The following SPATA31D4 variants were observed in gnomAD, a reference collection of about 807,000 sequenced individuals.
SPATA31D4 encodes the protein spermatogenesis-associated protein 31D4.
For missense variants in SPATA31D4, 73 were observed against 279.1 expected (o/e 0.26, Z 5.26); for synonymous variants, 23 against 102.8 (o/e 0.22, Z 4.70).
At position 81,934,062 on chromosome 9, in the gene SPATA31D4, A is replaced by T. The variant is rs976084504; in HGVS notation, c.*1147A>T. 1 of 366,596 alleles carries T rather than the reference A, an allele frequency of 2.7e-6. No individual in the cohort carries two copies. The highest frequency in any genetic ancestry group is 5.0e-6 in the Non-Finnish European group (1 of 198,284). The allele number at this position is 366,596 out of a possible 1,614,324, so 22.7% of individuals were successfully genotyped here. The stretch of plus-strand genomic sequence containing the variant: ...CCTACGCATGTCTTACAGAAATGCC[A>T]AGTTAAGAATTTTTCACCAGCTACA... On this transcript the variant is annotated 3_prime_UTR_variant, in exon 4 of 4. Transcript: ENST00000419782.
chr9:81,931,971 CAT>C lies in SPATA31D4; in HGVS notation c.1812_1813del (p.His604GlnfsTer5), dbSNP rs1465390109. On this transcript the variant is annotated frameshift_variant, in exon 4 of 4. Transcript: ENST00000419782. LOFTEE classifies it low-confidence loss of function (END_TRUNC). ...FLIRVCGVCFHRPQNEARSLM... is the reference protein window; with the variant it reads ...FLIRVCGVCFXRPQNEARSLM... ...GATTAGGGTGTGTGGCGTGTGTTTT[CAT>C]AGACCCCAGAATGAGGCACGGTCTC... 1.7e-5 allele frequency: 2 copies of C among 114,672 alleles called. No homozygotes were observed. The highest frequency in any genetic ancestry group is 3.8e-4 in the Admixed American group (2 of 5,308). 7.1% of individuals were successfully genotyped at this position (114,672 alleles called of 1,614,324 possible). A position where few individuals can be genotyped will look rare whatever the true frequency, so the allele number is the denominator to read the frequency against.
chr9:81,934,768 C>T lies in SPATA31D4; in HGVS notation c.*1853C>T, dbSNP rs1823842780. ...TATTGTATCAAAGGCATCCCCAATC[C>T]ATGCCCCACAGGGATCCTGTGCCAC... is the stretch of plus-strand genomic sequence containing the variant. On this transcript the variant is annotated 3_prime_UTR_variant, in exon 4 of 4. Transcript: ENST00000419782. 1.5e-6 allele frequency: 1 copy of T among 662,618 alleles called. No individual in the cohort carries two copies. Among genetic ancestry groups the T allele is most frequent in the African/African-American group, 1.8e-5 (1 of 54,376 alleles). 41.0% of individuals were successfully genotyped at this position (662,618 alleles called of 1,614,324 possible).
chr9:81,932,792 G>A lies in SPATA31D4; in HGVS notation c.2631G>A (p.Val877=). 1 of 1,533,426 alleles carries A rather than the reference G, an allele frequency of 6.5e-7. No homozygotes were observed. 95.0% of individuals were successfully genotyped at this position (1,533,426 alleles called of 1,614,324 possible). A position where few individuals can be genotyped will look rare whatever the true frequency, so the allele number is the denominator to read the frequency against. ...AACATCGAAATTTGGCAGCATTGGT[G>A]AGTGAGGACCACGGCGTTGATACCT... ...QIKHRNLAAL[V]SEDHGVDTSQ... is the part of the protein sequence containing the mutation. Residue 877 remains valine (V), a synonymous_variant, in exon 4 of 4, where the codon GTG becomes GTA. Coordinates refer to ENST00000419782, the MANE Select transcript of SPATA31D4 (RefSeq NM_001145197.1).
chr9:81,934,193 G>A lies in SPATA31D4; in HGVS notation c.*1278G>A, dbSNP rs868229549. The A allele has an allele frequency of 8.2e-6, 3 of 364,930 alleles. No individual in the cohort carries two copies. Among genetic ancestry groups the A allele is most frequent in the East Asian group, 5.3e-5 (1 of 18,888 alleles). The allele number at this position is 364,930 out of a possible 1,614,324, so 22.6% of individuals were successfully genotyped here. On this transcript the variant is annotated 3_prime_UTR_variant, in exon 4 of 4. Transcript: ENST00000419782. ...AAAGAGCCTCCCTGTTCATAACAAG[G>A]CATCAGGAGAGGTGCCTGGGAGCAA...
At chr9:81,930,221 T>C in intron 3 of SPATA31D4, 61 bp downstream of exon 3, 1 of 513,902 alleles carries the variant, frequency 1.9e-6, no homozygotes, top group Non-Finnish European at 2.5e-6. Flanking sequence ...TTTTTTTTTT[T>C]TTTTGCATGT....
rs1823843736 is a variant in SPATA31D4 at position 81,934,800 on chromosome 9, A to T, written c.*1885A>T. 2 of 628,162 alleles carry T rather than the reference A, an allele frequency of 3.2e-6. No individual in the cohort carries two copies. The highest frequency in any genetic ancestry group is 2.2e-5 in the South Asian group (1 of 45,994). 38.9% of individuals were successfully genotyped at this position (628,162 alleles called of 1,614,324 possible). A position where few individuals can be genotyped will look rare whatever the true frequency, so the allele number is the denominator to read the frequency against. On this transcript the variant is annotated 3_prime_UTR_variant, in exon 4 of 4. Coordinates refer to ENST00000419782, the MANE Select transcript of SPATA31D4 (RefSeq NM_001145197.1). Reference sequence around the variant, plus strand: ...CACAGGGATCCTGTGCCACATCTAAACCCCACTTGTCAGCGTCAAGTCACC... The same window carrying T: ...CACAGGGATCCTGTGCCACATCTAATCCCCACTTGTCAGCGTCAAGTCACC...
Position 81,932,952 on chromosome 9 carries a change from C to T in SPATA31D4, c.*37C>T, listed in dbSNP as rs771970881. On this transcript the variant is annotated 3_prime_UTR_variant, in exon 4 of 4. Coordinates refer to ENST00000419782, the MANE Select transcript of SPATA31D4 (RefSeq NM_001145197.1). ...GGCCTTCCCCGCAAGATCCGTGAAC[C>T]CATAGAAATCTTCAAATCAGAAGAG... 2 of 1,513,436 alleles carry T rather than the reference C, an allele frequency of 1.3e-6. No homozygotes were observed. Among genetic ancestry groups the T allele is most frequent in the African/African-American group, 1.4e-5 (1 of 70,866 alleles). 93.8% of individuals were successfully genotyped at this position (1,513,436 alleles called of 1,614,324 possible).
chr9:81,932,971 A>G lies in SPATA31D4; in HGVS notation c.*56A>G, dbSNP rs867291883. 83 of 1,507,016 alleles carry G rather than the reference A, an allele frequency of 5.5e-5. 12 individuals carry two copies. Among genetic ancestry groups the G allele is most frequent in the Middle Eastern group, 1.8e-4 (1 of 5,536 alleles). The allele number at this position is 1,507,016 out of a possible 1,614,324, so 93.4% of individuals were successfully genotyped here. On this transcript the variant is annotated 3_prime_UTR_variant, in exon 4 of 4. Transcript: ENST00000419782. ...GTGAACCCATAGAAATCTTCAAATC[A>G]GAAGAGGATATTTCCAATTCCTTTT...
At chr9:81,929,949 C>T (rs1487021525) in intron 2 of SPATA31D4, 151 bp from the exon 3 acceptor site, 4 of 114,900 alleles carry the variant, frequency 3.5e-5, no homozygotes, top group Non-Finnish European at 5.4e-5. Flanking sequence ...CACATGTGAA[C>T]TTGTGAACAT....
Position 81,934,143 on chromosome 9 carries a change from G to C in SPATA31D4, c.*1228G>C, listed in dbSNP as rs1823820863. ...GGAGAGCTTGGTGGAGGGGATGCAGGGTTGGGGACATCCCAACTCACTAGA... is the reference window on the plus strand; with the variant it reads ...GGAGAGCTTGGTGGAGGGGATGCAGCGTTGGGGACATCCCAACTCACTAGA... On this transcript the variant is annotated 3_prime_UTR_variant, in exon 4 of 4. Coordinates refer to ENST00000419782, the MANE Select transcript of SPATA31D4 (RefSeq NM_001145197.1). 1 of 425,866 alleles carries C rather than the reference G, an allele frequency of 2.3e-6. No individual in the cohort carries two copies. The highest frequency in any genetic ancestry group is 4.5e-6 in the Non-Finnish European group (1 of 221,388). 26.4% of individuals were successfully genotyped at this position (425,866 alleles called of 1,614,324 possible). A position where few individuals can be genotyped will look rare whatever the true frequency, so the allele number is the denominator to read the frequency against.
rs1425187595 is a variant in SPATA31D4, at chr9:81,933,070, T to C, written c.*155T>C. On this transcript the variant is annotated 3_prime_UTR_variant, in exon 4 of 4. Transcript: ENST00000419782. Reference sequence around the variant, plus strand: ...CCAAAGATGGGGTCTCTAAGTCTCATAGACGAAGCACTTTTCAAGGAGAAA... The same window carrying C: ...CCAAAGATGGGGTCTCTAAGTCTCACAGACGAAGCACTTTTCAAGGAGAAA... The C allele has an allele frequency of 2.8e-5, 42 of 1,501,788 alleles. 3 individuals are homozygous for C. The highest frequency in any genetic ancestry group is 3.4e-5 in the Non-Finnish European group (37 of 1,086,416). The allele number at this position is 1,501,788 out of a possible 1,614,324, so 93.0% of individuals were successfully genotyped here. A position where few individuals can be genotyped will look rare whatever the true frequency, so the allele number is the denominator to read the frequency against.
chr9:81,932,847 A>G lies in SPATA31D4; in HGVS notation c.2686A>G (p.Lys896Glu), dbSNP rs1179084254. Residue 896 changes from lysine to glutamate, a missense_variant, in exon 4 of 4, where the codon AAA becomes GAA. Coordinates refer to ENST00000419782, the MANE Select transcript of SPATA31D4 (RefSeq NM_001145197.1). ...GGAGATGTCCTTCCTTAGTTCCAACAAACAAAAGATGTTGGAAGCCCATAT... is the reference window on the plus strand; with the variant it reads ...GGAGATGTCCTTCCTTAGTTCCAACGAACAAAAGATGTTGGAAGCCCATAT... ...SQEMSFLSSN[K>E]QKMLEAHIKS... The G allele has an allele frequency of 1.3e-6, 2 of 1,522,238 alleles. No homozygotes were observed. Among genetic ancestry groups the G allele is most frequent in the East Asian group, 4.6e-5 (2 of 43,550 alleles). The allele number at this position is 1,522,238 out of a possible 1,614,324, so 94.3% of individuals were successfully genotyped here. A position where few individuals can be genotyped will look rare whatever the true frequency, so the allele number is the denominator to read the frequency against.
At position 81,933,037 on chromosome 9, in the gene SPATA31D4, G is replaced by C. The variant is rs1823795239; in HGVS notation, c.*122G>C. On this transcript the variant is annotated 3_prime_UTR_variant, in exon 4 of 4. Transcript: ENST00000419782. The stretch of plus-strand genomic sequence containing the variant: ...CCTCCTCAGCCAGCTTTATTTCTCA[G>C]GGAGATTCCAAAGATGGGGTCTCTA... The C allele has an allele frequency of 2.7e-6, 4 of 1,476,842 alleles. No homozygotes were observed. In the South Asian group the frequency reaches 3.6e-5, roughly 13 times the overall value. The allele number at this position is 1,476,842 out of a possible 1,614,324, so 91.5% of individuals were successfully genotyped here.
At position 81,932,784 on chromosome 9, in the gene SPATA31D4, G is replaced by T. The variant is rs773185170; in HGVS notation, c.2623G>T (p.Ala875Ser). The change falls in exon 4 of 4, where the codon GCA (alanine) becomes TCA (serine). Residue 875 changes from alanine (A) to serine (S), a missense_variant. Ala to Ser is a moderately conservative substitution (Grantham distance 99). Coordinates refer to ENST00000419782, the MANE Select transcript of SPATA31D4 (RefSeq NM_001145197.1). The stretch of plus-strand genomic sequence containing the variant: ...CCAAATTAAACATCGAAATTTGGCA[G>T]CATTGGTGAGTGAGGACCACGGCGT... ...HSQIKHRNLA[A>S]LVSEDHGVDT... The T allele has an allele frequency of 4.6e-6, 7 of 1,532,944 alleles. 1 individual carries two copies. The highest frequency in any genetic ancestry group is 6.3e-6 in the Non-Finnish European group (7 of 1,118,726). 95.0% of individuals were successfully genotyped at this position (1,532,944 alleles called of 1,614,324 possible).
In SPATA31D4 at chr9:81,934,750, T is replaced by C; in HGVS notation, c.*1835T>C. On this transcript the variant is annotated 3_prime_UTR_variant, in exon 4 of 4. Coordinates refer to ENST00000419782, the MANE Select transcript of SPATA31D4 (RefSeq NM_001145197.1). ...AGGCATTTAAGGGGAAGATATTGTA[T>C]CAAAGGCATCCCCAATCCATGCCCC... is the stretch of plus-strand genomic sequence containing the variant. 3.3e-6 allele frequency: 2 copies of C among 606,492 alleles called. 1 individual carries two copies. The highest frequency in any genetic ancestry group is 4.1e-5 in the South Asian group (2 of 48,394). 37.6% of individuals were successfully genotyped at this position (606,492 alleles called of 1,614,324 possible). A position where few individuals can be genotyped will look rare whatever the true frequency, so the allele number is the denominator to read the frequency against.
Position 81,934,812 on chromosome 9 carries a change from A to C in SPATA31D4, c.*1897A>C. 1.9e-6 allele frequency: 1 copy of C among 529,250 alleles called. No individual in the cohort carries two copies. Among genetic ancestry groups the C allele is most frequent in the Non-Finnish European group, 3.4e-6 (1 of 290,700 alleles). The allele number at this position is 529,250 out of a possible 1,614,324, so 32.8% of individuals were successfully genotyped here. On this transcript the variant is annotated 3_prime_UTR_variant, in exon 4 of 4. Coordinates refer to ENST00000419782, the MANE Select transcript of SPATA31D4 (RefSeq NM_001145197.1). ...GTGCCACATCTAAACCCCACTTGTC[A>C]GCGTCAAGTCACCCTGGTGTGTCCA...
Position 81,930,201 on chromosome 9 carries a change from CTTTTTTTTTTT to C in SPATA31D4, c.293+55_293+65del, listed in dbSNP as rs763569360. 115 of 291,418 alleles carry C rather than the reference CTTTTTTTTTTT, an allele frequency of 3.9e-4. 5 individuals carry two copies. The highest frequency in any genetic ancestry group is 1.9e-3 in the Middle Eastern group (2 of 1,044). 18.1% of individuals were successfully genotyped at this position (291,418 alleles called of 1,614,324 possible). On this transcript the variant is annotated intron_variant, in intron 3 of 3. Transcript: ENST00000419782. The stretch of plus-strand genomic sequence containing the variant: ...CCTTCTATCCTGTTCCCACCGCCTT[CTTTTTTTTTTT>C]TTTTTTTTTTTTTGCATGTTCTATT...
chr9:81,932,758 G>A lies in SPATA31D4; in HGVS notation c.2597G>A (p.Ser866Asn). The A allele has an allele frequency of 6.5e-7, 1 of 1,530,148 alleles. No individual in the cohort carries two copies. Among genetic ancestry groups the A allele is most frequent in the South Asian group, 1.1e-5 (1 of 87,982 alleles). 94.8% of individuals were successfully genotyped at this position (1,530,148 alleles called of 1,614,324 possible). Residue 866 changes from serine to asparagine, a missense_variant, in exon 4 of 4, where the codon AGC becomes AAC. Coordinates refer to ENST00000419782, the MANE Select transcript of SPATA31D4 (RefSeq NM_001145197.1). The stretch of plus-strand genomic sequence containing the variant: ...ATATGTCTTCCTGAGAAATCCCACA[G>A]CCAAATTAAACATCGAAATTTGGCA... ...QTICLPEKSH[S>N]QIKHRNLAAL...
chr9:81,929,988 G>A, intron 2 of SPATA31D4, 112 bp from the exon 3 acceptor site: 1 of 135,590 alleles, frequency 7.4e-6, no homozygotes, highest in Non-Finnish European at 1.1e-5. Flanking sequence ...CTTTTCTACT[G>A]ATTCTTGGGG....
Sources: gnomAD v4.1 joint callset for allele counts on GRCh38, gnomAD v4.1.1 for gene constraint, MANE v1.5 for transcripts, NCBI Gene and HGNC (gene_info 2026-07-23, HGNC 2026-07-21) for gene names.